Variants in PCDH15 observed in about 807,000 individuals in gnomAD.
PCDH15 encodes the protein protocadherin-15.
Under a neutral mutation model 178.5 loss-of-function variants are expected in PCDH15, and 129 were observed. The observed-to-expected ratio is 0.72, with a 90% confidence interval of 0.63 to 0.84. The LOEUF is 0.84. Ranked by LOEUF, PCDH15 falls within the 40% of genes least tolerant of loss-of-function variation. The probability of loss-of-function intolerance (pLI) is 0.00; values close to 1 mark genes in which losing one functional copy is unlikely to be tolerated. For missense variants in PCDH15, 2,230 were observed against 2,099.9 expected (o/e 1.06, Z -1.21); for synonymous variants, 800 against 732.0 (o/e 1.09, Z -1.50).
chr10:55,374,588 G>A (rs1285558605), intron 2 of PCDH15, among the ~76,000 whole-genome samples: 1 of 151,900 alleles, frequency 6.6e-6, no homozygotes, highest in African/African-American at 2.4e-5. Flanking sequence ...GAAAAAAAGT[G>A]CAGCTTTAAA....
intron 1 of PCDH15, among the ~76,000 whole-genome samples, chr10:54,733,179 G>T (rs1943637789): frequency 6.6e-6 from 1 of 151,488 alleles, no homozygotes; most frequent in African/African-American, 2.4e-5. Context: ...AGATTGGAAA[G>T]AAAGCTCTCT....
At chr10:54,339,087 T>C (rs1029270520) in intron 6 of PCDH15, among the ~76,000 whole-genome samples, 1 of 152,238 alleles carries the variant, frequency 6.6e-6, no homozygotes, top group Non-Finnish European at 1.5e-5. Context: ...CAAGCTTGTC[T>C]AACCCATAGC....
intron 7 of PCDH15, among the ~76,000 whole-genome samples, chr10:54,323,540 A>C (rs2061739079): frequency 1.3e-5 from 2 of 152,196 alleles, no homozygotes; most frequent in South Asian, 4.1e-4. Context: ...AGCCATAGAA[A>C]AGAATGAAAT....
intron 3 of PCDH15, among the ~76,000 whole-genome samples, chr10:54,807,498 C>A (rs1461175252): frequency 6.6e-6 from 1 of 151,652 alleles, no homozygotes; most frequent in South Asian, 2.1e-4. Flanking sequence ...ATACATTGTA[C>A]TTTTTGTATA....
At chr10:54,366,753 C>A (rs1295408017) in intron 5 of PCDH15, among the ~76,000 whole-genome samples, 2 of 149,670 alleles carry the variant, frequency 1.3e-5, no homozygotes, top group African/African-American at 4.9e-5. Context: ...AGAGTATGGG[C>A]AAAATCAAAG....
At chr10:54,537,228 T>C (rs996580064) in intron 2 of PCDH15, among the ~76,000 whole-genome samples, 1 of 152,096 alleles carries the variant, frequency 6.6e-6, no homozygotes, top group Non-Finnish European at 1.5e-5. Context: ...CGCGATCTCC[T>C]GACCTTGTGA....
At chr10:55,089,200 C>T (rs1413419591) in intron 2 of PCDH15, among the ~76,000 whole-genome samples, 2 of 152,146 alleles carry the variant, frequency 1.3e-5, no homozygotes, top group Non-Finnish European at 2.9e-5. Context: ...AGGCTCATTA[C>T]ATAATTAAAG....
intron 2 of PCDH15, among the ~76,000 whole-genome samples, chr10:54,920,468 C>CAAAAAAAA (rs71014429): frequency 1.4e-4 from 8 of 57,802 alleles, no homozygotes; most frequent in Admixed American, 2.9e-4. Flanking sequence ...GACTGTGTCT[C>CAAAAAAAA]AAAAAAAAAA....
chr10:54,631,086 C>T (rs865837888), intron 2 of PCDH15, among the ~76,000 whole-genome samples: 1 of 152,096 alleles, frequency 6.6e-6, no homozygotes, highest in African/African-American at 2.4e-5. Context: ...GAGGTGGGAC[C>T]TGCTTGGAGG....
At chr10:55,091,757 A>T (rs1842323460) in intron 2 of PCDH15, among the ~76,000 whole-genome samples, 1 of 151,940 alleles carries the variant, frequency 6.6e-6, no homozygotes, top group Non-Finnish European at 1.5e-5. Context: ...GCCAACACAA[A>T]ATGTAATTCT....
At chr10:55,322,120 TC>T (rs1225513959), upstream of PCDH15, among the ~76,000 whole-genome samples, 1 of 152,158 alleles carries the variant, frequency 6.6e-6, no homozygotes, top group Non-Finnish European at 1.5e-5. Flanking sequence ...GGGAGGGGTA[TC>T]CCCCACACTG....
At chr10:54,830,160 G>A (rs554680135) in intron 3 of PCDH15, among the ~76,000 whole-genome samples, 112 of 152,266 alleles carry the variant, frequency 7.4e-4, no homozygotes, top group South Asian at 1.2e-3. Flanking sequence ...TTCAACCATT[G>A]TGGAAGTCAA....
chr10:55,289,046 T>G (rs1842945162), intron 1 of PCDH15, among the ~76,000 whole-genome samples: 2 of 152,000 alleles, frequency 1.3e-5, no homozygotes, highest in South Asian at 4.1e-4. Context: ...CTTACCAACA[T>G]AAAACATAAA....
chr10:54,115,789 CT>C (rs1170698693), intron 15 of PCDH15, among the ~76,000 whole-genome samples: 1 of 152,180 alleles, frequency 6.6e-6, no homozygotes, highest in African/African-American at 2.4e-5. Flanking sequence ...ATTTCAAAGT[CT>C]GCTTCCCAGA....
intron 1 of PCDH15, among the ~76,000 whole-genome samples, chr10:55,248,652 G>A (rs1841747485): frequency 6.6e-6 from 1 of 152,120 alleles, no homozygotes; most frequent in Non-Finnish European, 1.5e-5. Context: ...CCTCCACGTA[G>A]TTCTAGTGAT....
At chr10:55,577,607 CTGTTCTTA>C (rs1297700591) in intron 2 of PCDH15, among the ~76,000 whole-genome samples, 2 of 152,138 alleles carry the variant, frequency 1.3e-5, no homozygotes, top group African/African-American at 2.4e-5. Context: ...ACGAAAAACA[CTGTTCTTA>C]TGGGTAACCA....
At chr10:55,498,750 T>C (rs901747849) in intron 2 of PCDH15, among the ~76,000 whole-genome samples, 6 of 151,954 alleles carry the variant, frequency 3.9e-5, no homozygotes, top group Middle Eastern at 3.4e-3. Flanking sequence ...GATTTTAAAA[T>C]AGCCTCCCAA....
chr10:54,277,893 AATGGAAAG>A (rs1010024604), intron 8 of PCDH15, among the ~76,000 whole-genome samples: 3 of 151,204 alleles, frequency 2.0e-5, no homozygotes, highest in Non-Finnish European at 3.0e-5. Context: ...TGGTTTGAAA[AATGGAAAG>A]ATGGAATATC....
At chr10:55,262,768 T>C (rs1295121583) in intron 1 of PCDH15, among the ~76,000 whole-genome samples, 1 of 152,144 alleles carries the variant, frequency 6.6e-6, no homozygotes, top group Non-Finnish European at 1.5e-5. Flanking sequence ...GCCTGATTCT[T>C]CTGGTACACC....
Sources: allele counts gnomAD v4.1 joint callset (sites outside exome capture counted in the v4.1 genomes callset), GRCh38; gene constraint gnomAD v4.1.1; transcripts MANE v1.5; gene names NCBI Gene and HGNC (gene_info 2026-07-23, HGNC 2026-07-21).